Variants in PCDHGB1 observed in about 807,000 individuals in gnomAD.
PCDHGB1 encodes the protein protocadherin gamma-B1.
A neutral mutation model predicts 56.6 loss-of-function variants in PCDHGB1; 34 were observed. The observed-to-expected ratio is 0.60, with a 90% CI of 0.46 to 0.80. PCDHGB1 has a LOEUF of 0.80. Ranked by LOEUF, PCDHGB1 falls within the 30% of genes least tolerant of loss-of-function variation. The probability of loss-of-function intolerance (pLI) is 0.00; values close to 1 mark genes in which losing one functional copy is unlikely to be tolerated. For synonymous variants in PCDHGB1, 561 were observed against 505.9 expected, an observed-to-expected ratio of 1.11 and a Z score of -1.46; for missense variants, 1,278 against 1,204.6, an observed-to-expected ratio of 1.06 and a Z score of -0.90.
At chr5:141,414,270 T>G in intron 1 of PCDHGB1, 1 of 1,613,476 alleles carries the variant, frequency 6.2e-7, no homozygotes, top group Non-Finnish European at 8.5e-7. Context: ...AAGATTCACC[T>G]CTGGGAACAG....
intron 1 of PCDHGB1, among the ~76,000 whole-genome samples, chr5:141,380,518 T>A (rs1166161347): frequency 2.6e-5 from 4 of 152,254 alleles, no homozygotes; most frequent in Non-Finnish European, 5.9e-5. Context: ...CTTTAAACTA[T>A]GAAATGATTT....
chr5:141,364,575 G>T (rs372313739), intron 1 of PCDHGB1: 9 of 1,614,070 alleles, frequency 5.6e-6, no homozygotes, highest in East Asian at 2.2e-5. Flanking sequence ...CCGCGAAGCG[G>T]CAGCTTGGTC....
chr5:141,376,507 G>A, intron 1 of PCDHGB1: 2 of 1,614,090 alleles, frequency 1.2e-6, no homozygotes, highest in Non-Finnish European at 1.7e-6. Flanking sequence ...GGCAACTTCA[G>A]GTGAGTTTCT....
intron 1 of PCDHGB1, chr5:141,405,038 G>C: frequency 6.2e-7 from 1 of 1,613,964 alleles, no homozygotes; most frequent in Non-Finnish European, 8.5e-7. Context: ...CCTCGTTGTG[G>C]CTGTGGCAGT....
At chr5:141,433,256 C>G (rs760130587) in intron 1 of PCDHGB1, 2 of 1,385,666 alleles carry the variant, frequency 1.4e-6, no homozygotes, top group Non-Finnish European at 2.0e-6. Context: ...TGCAGCGGTA[C>G]GATCATAGCT....
intron 1 of PCDHGB1, chr5:141,422,397 C>A (rs753017439): frequency 6.3e-6 from 10 of 1,597,488 alleles, no homozygotes; most frequent in African/African-American, 2.7e-5. Context: ...TTCCTAACCA[C>A]CTGCCTTTTA....
rs1025985501 is a variant in PCDHGB1 at position 141,432,385 on chromosome 5, C to G, written c.2410-62422C>G. 2.5e-6 allele frequency: 4 copies of G among 1,614,138 alleles called. No homozygotes were observed. In the African/African-American group the frequency reaches 5.3e-5, roughly 22 times the overall value. Reference sequence around the variant, plus strand: ...CGCGGGACAACGGGCACCCGCCCCTCAGCAGCAACGTGTCGTTGAGCCTGT... The same window carrying G: ...CGCGGGACAACGGGCACCCGCCCCTGAGCAGCAACGTGTCGTTGAGCCTGT... On this transcript the variant is annotated intron_variant, in intron 1 of 3. Transcript: ENST00000523390. The surrounding 1 kb of genome is among the most constrained non-coding windows in gnomAD (Gnocchi z 6.0).
chr5:141,445,363 T>C (rs186841717), intron 1 of PCDHGB1, among the ~76,000 whole-genome samples: 9 of 152,284 alleles, frequency 5.9e-5, no homozygotes. Context: ...CCAAGTCTGG[T>C]CCTGGGTGGT....
rs781591902 is a variant in PCDHGB1, at chr5:141,477,086, G to A, written c.2410-17721G>A. The A allele has an allele frequency of 1.1e-5, 18 of 1,614,128 alleles. No individual in the cohort carries two copies. In the East Asian group the frequency reaches 3.8e-4, roughly 34 times the overall value. The stretch of plus-strand genomic sequence containing the variant: ...CAAACTCCATGAGATTTACATCCAG[G>A]CCAAAGACAAGGGCGCCAATCCCGA... On this transcript the variant is annotated intron_variant, in intron 1 of 3. Coordinates refer to ENST00000523390, the MANE Select transcript of PCDHGB1 (RefSeq NM_018922.3). The surrounding 1 kb of genome is among the most constrained non-coding windows in gnomAD (Gnocchi z 4.9).
At chr5:141,410,005 C>T (rs1009148964) in intron 1 of PCDHGB1, 16 of 1,613,172 alleles carry the variant, frequency 9.9e-6, no homozygotes, top group Non-Finnish European at 1.3e-5. Context: ...CGGGACACAA[C>T]GCCTGGCTGT....
chr5:141,481,053 A>T (rs2099530801), intron 1 of PCDHGB1, among the ~76,000 whole-genome samples: 1 of 152,104 alleles, frequency 6.6e-6, no homozygotes, highest in Non-Finnish European at 1.5e-5. Flanking sequence ...GCGAGACTCC[A>T]CCTCAAAAAC....
intron 1 of PCDHGB1, among the ~76,000 whole-genome samples, chr5:141,468,273 C>T (rs894110332): frequency 1.4e-5 from 2 of 144,550 alleles, no homozygotes; most frequent in Non-Finnish European, 3.0e-5. Flanking sequence ...TGTGGTGAGC[C>T]GAGACCACGC....
chr5:141,363,884 G>A (rs1235623688), intron 1 of PCDHGB1, among the ~76,000 whole-genome samples: 1 of 152,096 alleles, frequency 6.6e-6, no homozygotes, highest in Admixed American at 6.5e-5. Flanking sequence ...AAGGACATAG[G>A]CTCCCCCGAT....
At chr5:141,433,123 C>A in intron 1 of PCDHGB1, 1 of 1,614,116 alleles carries the variant, frequency 6.2e-7, no homozygotes, top group Non-Finnish European at 8.5e-7. Context: ...TTGAAAAAAG[C>A]GAGCCCCTTT....
chr5:141,365,687 C>T, intron 1 of PCDHGB1: 1 of 1,613,530 alleles, frequency 6.2e-7, no homozygotes, highest in Non-Finnish European at 8.5e-7. Context: ...ACCCAATTTC[C>T]CTCAAGCCTC....
Position 141,351,562 on chromosome 5 carries a change from C to T in PCDHGB1, c.1302C>T (p.Ile434=). ...GKPALSSRTS[I]TLHISDINDN... ...CAGCCCTTTCCTCCAGGACAAGCATCACCCTGCACATCTCCGACATCAACG... is the reference window on the plus strand; with the variant it reads ...CAGCCCTTTCCTCCAGGACAAGCATTACCCTGCACATCTCCGACATCAACG... The change falls in exon 1 of 4, where the codon ATC becomes ATT. Residue 434 remains isoleucine, a synonymous_variant. Coordinates refer to ENST00000523390, the MANE Select transcript of PCDHGB1 (RefSeq NM_018922.3). 1.9e-6 allele frequency: 3 copies of T among 1,614,052 alleles called. No individual in the cohort carries two copies. The highest frequency in any genetic ancestry group is 2.5e-6 in the Non-Finnish European group (3 of 1,179,898).
intron 1 of PCDHGB1, chr5:141,409,322 C>A (rs1161029892): frequency 6.2e-7 from 1 of 1,613,988 alleles, no homozygotes; most frequent in Non-Finnish European, 8.5e-7. Flanking sequence ...AACACGGGAT[C>A]TGGATTTCGG....
chr5:141,423,423 G>C (rs1561809630), intron 1 of PCDHGB1: 2 of 1,614,096 alleles, frequency 1.2e-6, no homozygotes, highest in Non-Finnish European at 8.5e-7. Flanking sequence ...CTGAAGGCGG[G>C]TTGGCAGGTA....
At position 141,352,430 on chromosome 5, in the gene PCDHGB1, C is replaced by T; in HGVS notation, c.2170C>T (p.Gln724Ter). The T allele has an allele frequency of 6.2e-7, 1 of 1,614,074 alleles. No homozygotes were observed. The change falls in exon 1 of 4, where the codon CAA (glutamine) becomes TAA (stop). Residue 724 changes from glutamine to a stop codon, truncating the protein, a stop_gained. Transcript: ENST00000523390. LOFTEE classifies it high-confidence loss of function. ...SSSLDTEGCF[Q>*]TGLCSKSGPG... ...CAGCCTCGACACTGAGGGCTGCTTT[C>T]AAACCGGTCTCTGCTCCAAGTCTGG...
Sources: gnomAD v4.1 joint callset for allele counts (sites outside exome capture counted in the v4.1 genomes callset) on GRCh38, gnomAD v4.1.1 for gene constraint, Gnocchi (gnomAD v3.1) non-coding constraint, MANE v1.5 for transcripts, NCBI Gene and HGNC (gene_info 2026-07-23, HGNC 2026-07-21) for gene names.